The following ERC2 variants were observed in gnomAD, a reference collection of about 807,000 sequenced individuals.
The protein encoded by ERC2 is ELKS/RAB6-interacting/CAST family member 2, also known as ERC protein 2.
ERC2 carries 42 observed loss-of-function variants against 114.8 expected under a neutral mutation model. That is an observed-to-expected ratio of 0.37 (90% CI 0.29 to 0.47). The LOEUF (loss-of-function observed/expected upper bound fraction) is 0.47, where lower values mean the gene tolerates loss of function less well. Among genes scored for constraint, ERC2 ranks in the 20% least tolerant of loss-of-function variants. The pLI, the probability that ERC2 is intolerant of heterozygous loss-of-function variation, is 0.99. For synonymous variants in ERC2, 454 were observed against 425.5 expected, an observed-to-expected ratio of 1.07 and a Z score of -0.82; for missense variants, 939 against 1,150.7, an observed-to-expected ratio of 0.82 and a Z score of 2.66.
intron 17 of ERC2, among the ~76,000 whole-genome samples, chr3:55,527,120 T>C (rs1006424738): frequency 1.3e-5 from 2 of 152,236 alleles, no homozygotes; most frequent in African/African-American, 4.8e-5. Flanking sequence ...AGTGAATGAA[T>C]GAAGACCTTG....
At chr3:55,818,031 C>T (rs987828158) in intron 14 of ERC2, among the ~76,000 whole-genome samples, 6 of 152,196 alleles carry the variant, frequency 3.9e-5, no homozygotes, top group East Asian at 1.9e-4. Flanking sequence ...ACCTCTTTCA[C>T]GAGGCACCTC....
intron 2 of ERC2, among the ~76,000 whole-genome samples, chr3:56,334,169 A>G (rs1277581329): frequency 6.6e-6 from 1 of 152,184 alleles, no homozygotes; most frequent in Non-Finnish European, 1.5e-5. Context: ...CTCTTCCCCC[A>G]AATCCCTTGG....
At chr3:56,335,664 G>A (rs577966587) in intron 2 of ERC2, among the ~76,000 whole-genome samples, 4 of 152,230 alleles carry the variant, frequency 2.6e-5, no homozygotes, top group East Asian at 1.9e-4. Flanking sequence ...CTAAAAATAC[G>A]TATTAAAATT....
At chr3:56,267,510 G>A (rs746895578) in intron 3 of ERC2, among the ~76,000 whole-genome samples, 19 of 152,154 alleles carry the variant, frequency 1.2e-4, no homozygotes, top group Non-Finnish European at 1.8e-4. Flanking sequence ...AGTGGCTCAC[G>A]CCTGTAATCC....
At chr3:56,365,086 G>C (rs2150569832) in intron 2 of ERC2, among the ~76,000 whole-genome samples, 1 of 152,324 alleles carries the variant, frequency 6.6e-6, no homozygotes, top group East Asian at 1.9e-4. Context: ...AACAATGTCT[G>C]ATACCCAGTA....
intron 15 of ERC2, among the ~76,000 whole-genome samples, chr3:55,702,656 A>G (rs1390774767): frequency 6.6e-6 from 1 of 152,156 alleles, no homozygotes; most frequent in Non-Finnish European, 1.5e-5. Flanking sequence ...CTAACAGTCA[A>G]TGAAAGAAAA....
intron 17 of ERC2, among the ~76,000 whole-genome samples, chr3:55,609,089 T>C (rs878865336): frequency 6.6e-6 from 1 of 152,166 alleles, no homozygotes; most frequent in South Asian, 2.1e-4. Context: ...GGGAGAGTCC[T>C]AAAGTTATCT....
At chr3:56,378,512 G>A (rs910606539) in intron 2 of ERC2, among the ~76,000 whole-genome samples, 4 of 144,072 alleles carry the variant, frequency 2.8e-5, no homozygotes, top group Non-Finnish European at 6.0e-5. Context: ...CATGGCACAT[G>A]TATACATATG....
intron 13 of ERC2, among the ~76,000 whole-genome samples, chr3:55,945,570 A>ATGT (rs2067075305): frequency 6.6e-6 from 1 of 152,210 alleles, no homozygotes; most frequent in African/African-American, 2.4e-5. Context: ...TTTGAGGTTT[A>ATGT]TGTTGTTTGT....
chr3:56,368,912 T>C (rs1339798617), intron 2 of ERC2, among the ~76,000 whole-genome samples: 2 of 151,818 alleles, frequency 1.3e-5, no homozygotes, highest in East Asian at 3.9e-4. Flanking sequence ...TTCTAAGGAG[T>C]CAATTCCTGG....
chr3:56,215,906 C>T (rs555663847), intron 3 of ERC2, among the ~76,000 whole-genome samples: 26 of 152,128 alleles, frequency 1.7e-4, no homozygotes, highest in African/African-American at 4.3e-4. Flanking sequence ...CGGTACATAA[C>T]GAAATGAAGG....
intron 17 of ERC2, among the ~76,000 whole-genome samples, chr3:55,555,131 C>T (rs149365150): frequency 6.6e-6 from 1 of 152,212 alleles, no homozygotes; most frequent in South Asian, 2.1e-4. Flanking sequence ...TTGAGACATG[C>T]CGCCCTTGCT....
chr3:56,404,757 C>T (rs984029367), intron 2 of ERC2, among the ~76,000 whole-genome samples: 1 of 151,832 alleles, frequency 6.6e-6, no homozygotes, highest in African/African-American at 2.4e-5. Context: ...ACAAGATCTC[C>T]TTTTTAAGGG....
At chr3:55,750,650 T>C (rs925810524) in intron 14 of ERC2, among the ~76,000 whole-genome samples, 2 of 151,964 alleles carry the variant, frequency 1.3e-5, no homozygotes, top group Admixed American at 1.3e-4. Context: ...TGATTGAGAG[T>C]TGAGATGATT....
rs147309184 is a variant in ERC2, at chr3:55,892,708, A to T, written c.2404-4159T>A. Among the ~76,000 whole-genome samples the T allele has an allele frequency of 2.4e-3, 371 of 152,324 alleles. 8 individuals carry two copies. The highest frequency in any genetic ancestry group is 0.014 in the East Asian group (72 of 5,184). On this transcript the variant is annotated intron_variant, in intron 13 of 17. Coordinates refer to ENST00000288221, the MANE Select transcript of ERC2 (RefSeq NM_015576.3). ...ATAATTTCTCTCTATATTTATGCAC[A>T]TATAATTGAGATGCTACATATAAAT... is the stretch of plus-strand genomic sequence containing the variant.
intron 6 of ERC2, among the ~76,000 whole-genome samples, chr3:56,099,984 T>A (rs144338530): frequency 1.3e-5 from 2 of 152,022 alleles, no homozygotes; most frequent in African/African-American, 4.8e-5. Context: ...AGCACTCTTA[T>A]TGGGGAGAAA....
At chr3:56,135,354 T>C (rs767699030) in intron 6 of ERC2, among the ~76,000 whole-genome samples, 2 of 152,162 alleles carry the variant, frequency 1.3e-5, no homozygotes, top group African/African-American at 2.4e-5. Flanking sequence ...AGTGACTCAA[T>C]TGAAGTATAG....
chr3:55,910,810 C>G (rs1016079256), intron 13 of ERC2, among the ~76,000 whole-genome samples: 2 of 152,162 alleles, frequency 1.3e-5, no homozygotes, highest in African/African-American at 4.8e-5. Context: ...GGATTTGAAC[C>G]CAGGCTGTCA....
chr3:55,886,383 T>A (rs867407225), intron 14 of ERC2, among the ~76,000 whole-genome samples: 1 of 152,228 alleles, frequency 6.6e-6, no homozygotes, highest in Non-Finnish European at 1.5e-5. Context: ...GGTGGAAGCA[T>A]ATGCAATTCC....
Sources: allele counts gnomAD v4.1 joint callset (sites outside exome capture counted in the v4.1 genomes callset), GRCh38; gene constraint gnomAD v4.1.1; transcripts MANE v1.5; gene names NCBI Gene and HGNC (gene_info 2026-07-23, HGNC 2026-07-21).